The following TOP3A variants were observed in gnomAD, a reference collection of about 807,000 sequenced individuals.
TOP3A encodes DNA topoisomerase III alpha.
TOP3A carries 64 observed loss-of-function variants against 111.3 expected under a neutral mutation model. The ratio of observed to expected loss-of-function variants is 0.57; its 90% CI spans 0.47 to 0.71. The LOEUF (loss-of-function observed/expected upper bound fraction) is 0.71, where lower values mean the gene tolerates loss of function less well. TOP3A is among the 30% of genes least tolerant of loss of function. The pLI, the probability that TOP3A is intolerant of heterozygous loss-of-function variation, is 0.00. For missense variants in TOP3A, 1,104 were observed against 1,285.0 expected, an observed-to-expected ratio of 0.86 and a Z score of 2.15; for synonymous variants, 484 against 485.1, an observed-to-expected ratio of 1.00 and a Z score of 0.03.
At chr17:18,303,691 C>G (rs9890722) in intron 5 of TOP3A, among the ~76,000 whole-genome samples, 4,222 of 152,196 alleles carry the variant, frequency 0.028, 201 homozygotes, top group African/African-American at 0.091. Flanking sequence ...TGTTTGTTTT[C>G]CTGCTGACCC....
At chr17:18,314,107 C>G (rs1567755703) in intron 1 of TOP3A, among the ~76,000 whole-genome samples, 1 of 152,142 alleles carries the variant, frequency 6.6e-6, no homozygotes, top group Non-Finnish European at 1.5e-5. Flanking sequence ...TAAGTGTGCA[C>G]TGTGAGGCTG....
intron 9 of TOP3A, among the ~76,000 whole-genome samples, chr17:18,296,505 G>A (rs991979540): frequency 4.6e-5 from 7 of 152,026 alleles, no homozygotes; most frequent in South Asian, 4.2e-4. Flanking sequence ...GCTTGAGCCC[G>A]GGAGACGGAG....
intron 3 of TOP3A, 99 bp downstream of exon 3, chr17:18,308,252 A>T: frequency 2.3e-6 from 1 of 429,124 alleles, no homozygotes; most frequent in Non-Finnish European, 3.9e-6. Context: ...AAAAAAAAAA[A>T]AAAAAAATTA....
Position 18,306,904 on chromosome 17 carries a change from A to G in TOP3A, c.377T>C (p.Phe126Ser). ...AEIEKYCPEN[F>S]VDIKKTLERE... ...AAAAGACCCTACCTTGATGTCTACA[A>G]AATTCTCTGGGCAGTACTTTTCAAT... Residue 126 changes from phenylalanine (F) to serine (S), a missense_variant, in exon 4 of 19, where the codon TTT becomes TCT. Phe to Ser is a radical substitution (Grantham distance 155). Transcript: ENST00000321105. 6.2e-7 allele frequency: 1 copy of G among 1,613,064 alleles called. No individual in the cohort carries two copies. Among genetic ancestry groups the G allele is most frequent in the Non-Finnish European group, 8.5e-7 (1 of 1,179,036 alleles).
At chr17:18,288,152 T>TATATATATATATATATATATATATATA (rs1567739496) in intron 13 of TOP3A, among the ~76,000 whole-genome samples, 2 of 120,440 alleles carry the variant, frequency 1.7e-5, no homozygotes, top group African/African-American at 7.2e-5. Context: ...TATATATAAA[T>TATATATATATATATATATATATATATA]TTTTTTTTTT....
At position 18,276,280 on chromosome 17, in the gene TOP3A, A is replaced by G. The variant is rs144241038; in HGVS notation, c.2828-1300T>C. The stretch of plus-strand genomic sequence containing the variant: ...CTGGATCCCTTCCTGTCCCCTCAAC[A>G]GGCCTTTCCAGACCAGCTGCTCATT... On this transcript the variant is annotated intron_variant, in intron 18 of 18. Transcript: ENST00000321105. Among the ~76,000 whole-genome samples the G allele has an allele frequency of 1.9e-3, 282 of 152,280 alleles. 1 individual carries two copies. The highest frequency in any genetic ancestry group is 6.8e-3 in the Middle Eastern group (2 of 294).
rs1422208703 is a variant in TOP3A, at chr17:18,278,319, G to C, written c.2183C>G (p.Thr728Ser). The C allele has an allele frequency of 6.6e-7, 1 of 1,517,228 alleles. No individual in the cohort carries two copies. The highest frequency in any genetic ancestry group is 1.4e-5 in the African/African-American group (1 of 71,738). 94.0% of individuals were successfully genotyped at this position (1,517,228 alleles called of 1,614,324 possible). The change falls in exon 18 of 19, where the codon ACC becomes AGC. Residue 728 changes from threonine (T) to serine (S), a missense_variant. Thr to Ser is a moderately conservative substitution (Grantham distance 58). Coordinates refer to ENST00000321105, the MANE Select transcript of TOP3A (RefSeq NM_004618.5). ...GCAGCAAACAAACTCCAGAGGCATGGTCGGGGGAAGGCTACCGCGCTTAAA... is the reference window on the plus strand; with the variant it reads ...GCAGCAAACAAACTCCAGAGGCATGCTCGGGGGAAGGCTACCGCGCTTAAA... The part of the protein sequence containing the change: ...LKFKRGSLPP[T>S]MPLEFVCCIG...
rs756965855 is a variant in TOP3A, at chr17:18,278,295, C to G, written c.2207G>C (p.Cys736Ser). Residue 736 changes from cysteine (C) to serine (S), a missense_variant, in exon 18 of 19, where the codon TGC becomes TCC. Cys to Ser is a moderately radical substitution (Grantham distance 112). Coordinates refer to ENST00000321105, the MANE Select transcript of TOP3A (RefSeq NM_004618.5). ...PPTMPLEFVCCIGGCDDTLRE... is the reference protein window; with the variant it reads ...PPTMPLEFVCSIGGCDDTLRE... Reference sequence around the variant, plus strand: ...CAGGGTGTCGTCGCATCCGCCGATGCAGCAAACAAACTCCAGAGGCATGGT... The same window carrying G: ...CAGGGTGTCGTCGCATCCGCCGATGGAGCAAACAAACTCCAGAGGCATGGT... The G allele has an allele frequency of 6.6e-7, 1 of 1,524,434 alleles. No homozygotes were observed. Among genetic ancestry groups the G allele is most frequent in the Non-Finnish European group, 8.8e-7 (1 of 1,136,268 alleles). The allele number at this position is 1,524,434 out of a possible 1,614,324, so 94.4% of individuals were successfully genotyped here.
intron 13 of TOP3A, among the ~76,000 whole-genome samples, chr17:18,288,748 C>T (rs919609842): frequency 6.6e-6 from 1 of 152,212 alleles, no homozygotes; most frequent in Non-Finnish European, 1.5e-5. Context: ...AGGTTTTGGT[C>T]CAGCTCAAAT....
chr17:18,294,911 G>T, intron 9 of TOP3A, 126 bp from the exon 10 acceptor site: 1 of 654,844 alleles, frequency 1.5e-6, no homozygotes, highest in Non-Finnish European at 2.7e-6. Context: ...AAACAGAGCT[G>T]AAAAGGCTGC....
chr17:18,299,390 A>T (rs1981077150), intron 9 of TOP3A, among the ~76,000 whole-genome samples, 169 bp downstream of exon 9: 2 of 152,230 alleles, frequency 1.3e-5, no homozygotes, highest in Non-Finnish European at 2.9e-5. Context: ...AATAAACAAA[A>T]AAACAAACAG....
In TOP3A at chr17:18,274,514, G is replaced by C; in HGVS notation, c.*288C>G. 3.6e-6 allele frequency: 1 copy of C among 274,402 alleles called. No individual in the cohort carries two copies. Among genetic ancestry groups the C allele is most frequent in the Non-Finnish European group, 6.8e-6 (1 of 146,148 alleles). 17.0% of individuals were successfully genotyped at this position (274,402 alleles called of 1,614,324 possible). A position where few individuals can be genotyped will look rare whatever the true frequency, so the allele number is the denominator to read the frequency against. On this transcript the variant is annotated 3_prime_UTR_variant, in exon 19 of 19. Transcript: ENST00000321105. ...TCAGCTGGGACTGCACCAATCCTCT[G>C]CTAACAGCAACCATCCTTGGGGGGT... is the stretch of plus-strand genomic sequence containing the variant.
chr17:18,294,948 G>A (rs1267372481), intron 9 of TOP3A, among the ~76,000 whole-genome samples, 163 bp from the exon 10 acceptor site: 1 of 152,210 alleles, frequency 6.6e-6, no homozygotes, highest in African/African-American at 2.4e-5. Flanking sequence ...GGCCTGCCAA[G>A]CAGAGTCAGA....
At chr17:18,281,606 G>T (rs934693799) in intron 16 of TOP3A, among the ~76,000 whole-genome samples, 3 of 152,134 alleles carry the variant, frequency 2.0e-5, no homozygotes, top group Non-Finnish European at 4.4e-5. Context: ...CCCAGTCATT[G>T]GGCTAAGCCT....
rs894036981 is a variant in TOP3A at position 18,302,442 on chromosome 17, G to C, written c.644-8C>G. The C allele has an allele frequency of 2.5e-6, 2 of 788,860 alleles. No individual in the cohort carries two copies. The highest frequency in any genetic ancestry group is 3.6e-6 in the Non-Finnish European group (2 of 548,704). 48.9% of individuals were successfully genotyped at this position (788,860 alleles called of 1,614,324 possible). ...ACCTAGTAAAGGCAGCTCCTGGAGA[G>C]TGAAGGAGAGTGAAGGAAGGTGAAA... On this transcript the variant is annotated splice_region_variant and splice_polypyrimidine_tract_variant and intron_variant, in intron 6 of 18. Coordinates refer to ENST00000321105, the MANE Select transcript of TOP3A (RefSeq NM_004618.5).
At position 18,302,667 on chromosome 17, in the gene TOP3A, C is replaced by T. The variant is rs755827699; in HGVS notation, c.556G>A (p.Val186Ile). Residue 186 changes from valine (V) to isoleucine (I), a missense_variant, in exon 6 of 19, where the codon GTC becomes ATC. Val to Ile is a conservative substitution (Grantham distance 29). Coordinates refer to ENST00000321105, the MANE Select transcript of TOP3A (RefSeq NM_004618.5). ...GTCAGGTTTTCACAAGCTGTCCTGA[C>T]GGCATGGGGTGTGATCTCAGAGAAT... The part of the protein sequence containing the change: ...ARFSEITPHA[V>I]RTACENLTEP... 23 of 1,614,050 alleles carry T rather than the reference C, an allele frequency of 1.4e-5. No homozygotes were observed. The highest frequency in any genetic ancestry group is 2.7e-5 in the African/African-American group (2 of 74,920).
At chr17:18,289,685 A>G (rs1485412260) in intron 13 of TOP3A, among the ~76,000 whole-genome samples, 1 of 152,162 alleles carries the variant, frequency 6.6e-6, no homozygotes, top group African/African-American at 2.4e-5. Context: ...GAGCCACCAC[A>G]CCCAGCCTTC....
chr17:18,307,716 C>T (rs1981662599), intron 3 of TOP3A: 1 of 152,016 alleles, frequency 6.6e-6, no homozygotes, highest in Admixed American at 6.6e-5. Flanking sequence ...TTAAGACCAG[C>T]CTGGGCAACA....
chr17:18,294,319 CTTTA>C (rs1215858396), intron 10 of TOP3A, among the ~76,000 whole-genome samples: 1 of 151,896 alleles, frequency 6.6e-6, no homozygotes, highest in Non-Finnish European at 1.5e-5. Flanking sequence ...ACTCTTATTT[CTTTA>C]TTTCTTTCTT....
Sources: allele counts gnomAD v4.1 joint callset (sites outside exome capture counted in the v4.1 genomes callset), GRCh38; gene constraint gnomAD v4.1.1; transcripts MANE v1.5; gene names NCBI Gene and HGNC (gene_info 2026-07-23, HGNC 2026-07-21).